Variants in ABCB8 observed in about 807,000 individuals in gnomAD.
ABCB8 encodes the protein mitochondrial potassium channel ATP-binding subunit.
In ABCB8, 52 loss-of-function variants were observed where a neutral mutation model predicts 73.0. The observed-to-expected ratio is 0.71, with a 90% CI of 0.57 to 0.90. The LOEUF (loss-of-function observed/expected upper bound fraction) is 0.90, where lower values mean the gene tolerates loss of function less well. Ranked by LOEUF, ABCB8 falls within the 40% of genes least tolerant of loss-of-function variation. The pLI, the probability that ABCB8 is intolerant of heterozygous loss-of-function variation, is 0.00. For missense variants in ABCB8, 909 were observed against 974.6 expected, an observed-to-expected ratio of 0.93 and a Z score of 0.90; for synonymous variants, 428 against 423.5, an observed-to-expected ratio of 1.01 and a Z score of -0.13.
intron 9 of ABCB8, chr7:151,036,944 A>G: frequency 1.4e-6 from 1 of 706,796 alleles, no homozygotes. Context: ...AACTGTGGTA[A>G]AGTACACAAA....
rs775161864 is a variant in ABCB8, at chr7:151,035,696, T to C, written c.881T>C (p.Leu294Pro). Reference protein sequence around the residue: ...ATPALMGVGTLMGSGLRKLSR... With the variant: ...ATPALMGVGTPMGSGLRKLSR... ...CCAGCCCTGATGGGAGTGGGCACCC[T>C]GATGGGCTCAGGCCTCCGAAAATTG... Residue 294 changes from leucine to proline, a missense_variant, in exon 6 of 16, where the codon CTG becomes CCG. Coordinates refer to ENST00000358849, the MANE Select transcript of ABCB8 (RefSeq NM_007188.5). 3 of 1,613,574 alleles carry C rather than the reference T, an allele frequency of 1.9e-6. No homozygotes were observed. The highest frequency in any genetic ancestry group is 2.5e-6 in the Non-Finnish European group (3 of 1,180,032).
At position 151,047,517 on chromosome 7, in the gene ABCB8, G is replaced by A. The variant is rs549646427; in HGVS notation, c.*2168G>A. The A allele has an allele frequency of 1.3e-5, 2 of 152,378 alleles. No homozygotes were observed. The highest frequency in any genetic ancestry group is 3.9e-4 in the East Asian group (2 of 5,186). 9.4% of individuals were successfully genotyped at this position (152,378 alleles called of 1,614,324 possible). A position where few individuals can be genotyped will look rare whatever the true frequency, so the allele number is the denominator to read the frequency against. On this transcript the variant is annotated 3_prime_UTR_variant, in exon 16 of 16. Coordinates refer to ENST00000358849, the MANE Select transcript of ABCB8 (RefSeq NM_007188.5). The stretch of plus-strand genomic sequence containing the variant: ...GTCATGTGCCATTGAGCCCACGATG[G>A]GGAATGAGGACAGTCCCTGCCCCCA...
Position 151,047,536 on chromosome 7 carries a change from G to C in ABCB8, c.*2187G>C, listed in dbSNP as rs1190605173. 6.6e-6 allele frequency: 1 copy of C among 152,248 alleles called. No individual in the cohort carries two copies. Among genetic ancestry groups the C allele is most frequent in the Admixed American group, 6.5e-5 (1 of 15,284 alleles). The allele number at this position is 152,248 out of a possible 1,614,324, so 9.4% of individuals were successfully genotyped here. A position where few individuals can be genotyped will look rare whatever the true frequency, so the allele number is the denominator to read the frequency against. On this transcript the variant is annotated 3_prime_UTR_variant, in exon 16 of 16. Transcript: ENST00000358849. Reference sequence around the variant, plus strand: ...ACGATGGGGAATGAGGACAGTCCCTGCCCCCATGAAGCTTGTGTCCTGTTG... The same window carrying C: ...ACGATGGGGAATGAGGACAGTCCCTCCCCCCATGAAGCTTGTGTCCTGTTG...
intron 9 of ABCB8, 127 bp downstream of exon 9, chr7:151,036,776 T>C: frequency 1.2e-6 from 1 of 851,960 alleles, no homozygotes; most frequent in Non-Finnish European, 2.0e-6. Context: ...CCTGCCCAGC[T>C]TCCCCAGGGA....
intron 1 of ABCB8, chr7:151,031,502 C>CT (rs914748261): frequency 1.3e-5 from 7 of 556,268 alleles, no homozygotes; most frequent in Non-Finnish European, 8.9e-6. Flanking sequence ...TCACACTACT[C>CT]TTTTTTTAAA....
In ABCB8 at chr7:151,047,613, G is replaced by A. The variant is rs145451109; in HGVS notation, c.*2264G>A. On this transcript the variant is annotated 3_prime_UTR_variant, in exon 16 of 16. Coordinates refer to ENST00000358849, the MANE Select transcript of ABCB8 (RefSeq NM_007188.5). ...TGCAGCATGGTGTGTGCACACGTTTGGCTGGTGGAACCATGTTTCTACCAC... is the reference window on the plus strand; with the variant it reads ...TGCAGCATGGTGTGTGCACACGTTTAGCTGGTGGAACCATGTTTCTACCAC... 4 of 152,342 alleles carry A rather than the reference G, an allele frequency of 2.6e-5. No individual in the cohort carries two copies. The East Asian group carries it at 7.7e-4, about 29-fold the overall frequency. The allele number at this position is 152,342 out of a possible 1,614,324, so 9.4% of individuals were successfully genotyped here.
At position 151,029,303 on chromosome 7, in the gene ABCB8, G is replaced by GA. The variant is rs902475140; in HGVS notation, c.95+707dup. 9.3e-3 allele frequency among the ~76,000 whole-genome samples: 1,111 copies of GA among 119,826 alleles called. 7 individuals carry two copies. The highest frequency in any genetic ancestry group is 0.015 in the Middle Eastern group (3 of 204). 78.6% of individuals were successfully genotyped at this position (119,826 alleles called of 152,430 possible). A position where few individuals can be genotyped will look rare whatever the true frequency, so the allele number is the denominator to read the frequency against. On this transcript the variant is annotated intron_variant, in intron 1 of 15. Coordinates refer to ENST00000358849, the MANE Select transcript of ABCB8 (RefSeq NM_007188.5). ...GGTGATAGAGTGAGACTCTGCCTCA[G>GA]AAAAAAAAAAAAAAGAGTCAATCTA...
intron 13 of ABCB8, among the ~76,000 whole-genome samples, chr7:151,041,586 C>T (rs1286325314): frequency 1.3e-5 from 2 of 152,230 alleles, no homozygotes; most frequent in African/African-American, 4.8e-5. Context: ...TGAGGTGGCA[C>T]TGCCCAGCGA....
chr7:151,034,787 C>A lies in ABCB8; in HGVS notation c.723C>A (p.Asp241Glu). The A allele has an allele frequency of 6.2e-7, 1 of 1,614,092 alleles. No homozygotes were observed. The highest frequency in any genetic ancestry group is 8.5e-7 in the Non-Finnish European group (1 of 1,179,968). Residue 241 changes from aspartate (D) to glutamate (E), a missense_variant, in exon 5 of 16, where the codon GAC (aspartate) becomes GAA (glutamate). Transcript: ENST00000358849. Reference protein sequence around the residue: ...TGQLVSRLTTDVQEFKSSFKL... With the variant: ...TGQLVSRLTTEVQEFKSSFKL... ...AGCTGGTGAGCCGCTTGACAACTGA[C>A]GTGCAGGAGTTTAAGTCATCCTTCA...
chr7:151,040,113 T>C, intron 9 of ABCB8, 155 bp from the exon 10 acceptor site: 1 of 808,624 alleles, frequency 1.2e-6, no homozygotes, highest in South Asian at 1.8e-5. Flanking sequence ...TGTTGCTACG[T>C]CCCAGGGCTC....
intron 9 of ABCB8, chr7:151,039,578 C>T (rs1162278316): frequency 6.6e-6 from 1 of 152,330 alleles, no homozygotes; most frequent in African/African-American, 2.4e-5. Flanking sequence ...AGGAGGCCAC[C>T]CACTGTCTAG....
intron 6 of ABCB8, 56 bp downstream of exon 6, chr7:151,035,798 T>C: frequency 2.5e-6 from 4 of 1,609,588 alleles, no homozygotes; most frequent in Non-Finnish European, 3.4e-6. Context: ...CTCTTTCCAC[T>C]CCCCGGAACT....
intron 9 of ABCB8, chr7:151,037,277 G>A (rs78023969): frequency 2.7e-5 from 19 of 702,896 alleles, no homozygotes; most frequent in African/African-American, 8.7e-5. Flanking sequence ...ATTCCCTTCC[G>A]CTGCAGGCTG....
chr7:151,028,780 T>G, intron 1 of ABCB8, 170 bp downstream of exon 1: 2 of 1,539,884 alleles, frequency 1.3e-6, no homozygotes, highest in Non-Finnish European at 1.7e-6. Flanking sequence ...TTATTTATAG[T>G]GACACTCCAG....
chr7:151,035,495 A>G (rs1584949825), intron 5 of ABCB8, 86 bp from the exon 6 acceptor site: 1 of 1,458,160 alleles, frequency 6.9e-7, no homozygotes, highest in East Asian at 2.3e-5. Flanking sequence ...GTGGGAGTGC[A>G]GAGCTACAGT....
In ABCB8 at chr7:151,037,335, G is replaced by T. The variant is rs183296143; in HGVS notation, c.1217+686G>T. ...CCATCCTTGACAGGCTGTGTGAGCT[G>T]CCCTTCCCCATGCCTGCCACTTCCA... On this transcript the variant is annotated intron_variant, in intron 9 of 15. Transcript: ENST00000358849. 9.3e-4 allele frequency: 654 copies of T among 702,500 alleles called. 3 individuals carry two copies. The African/African-American group carries it at 0.01, about 11-fold the overall frequency. The allele number at this position is 702,500 out of a possible 1,614,324, so 43.5% of individuals were successfully genotyped here.
rs1478551565 is a variant in ABCB8 at position 151,046,890 on chromosome 7, C to T, written c.*1541C>T. 6.6e-6 allele frequency: 1 copy of T among 152,242 alleles called. No homozygotes were observed. The highest frequency in any genetic ancestry group is 6.5e-5 in the Admixed American group (1 of 15,286). The allele number at this position is 152,242 out of a possible 1,614,324, so 9.4% of individuals were successfully genotyped here. A position where few individuals can be genotyped will look rare whatever the true frequency, so the allele number is the denominator to read the frequency against. ...CTTTGGGGACAAGCCATCCAAAAAC[C>T]CCAGGCCCACATCCACCCTGATTTG... On this transcript the variant is annotated 3_prime_UTR_variant, in exon 16 of 16. Transcript: ENST00000358849.
In ABCB8 at chr7:151,045,434, C is replaced by A. The variant is rs930353330; in HGVS notation, c.*85C>A. 1.5e-6 allele frequency: 2 copies of A among 1,362,532 alleles called. No individual in the cohort carries two copies. Among genetic ancestry groups the A allele is most frequent in the Non-Finnish European group, 1.9e-6 (2 of 1,050,848 alleles). 84.4% of individuals were successfully genotyped at this position (1,362,532 alleles called of 1,614,324 possible). On this transcript the variant is annotated 3_prime_UTR_variant, in exon 16 of 16. Coordinates refer to ENST00000358849, the MANE Select transcript of ABCB8 (RefSeq NM_007188.5). ...TGGGGGAGCCTACTGGGGACTGAGC[C>A]CCCAGGAGGGCCAGCATGTGGAGAG...
Position 151,046,373 on chromosome 7 carries a change from G to A in ABCB8, c.*1024G>A, listed in dbSNP as rs1166887341. On this transcript the variant is annotated 3_prime_UTR_variant, in exon 16 of 16. Coordinates refer to ENST00000358849, the MANE Select transcript of ABCB8 (RefSeq NM_007188.5). ...AGGCGCACCTTGAAAGGGGAAGGCAGACATCCTGAGTGATGGGCGCCTGTG... is the reference window on the plus strand; with the variant it reads ...AGGCGCACCTTGAAAGGGGAAGGCAAACATCCTGAGTGATGGGCGCCTGTG... 1 of 152,362 alleles carries A rather than the reference G, an allele frequency of 6.6e-6. No homozygotes were observed. Among genetic ancestry groups the A allele is most frequent in the African/African-American group, 2.4e-5 (1 of 41,482 alleles). 9.4% of individuals were successfully genotyped at this position (152,362 alleles called of 1,614,324 possible).
Sources: allele counts gnomAD v4.1 joint callset (sites outside exome capture counted in the v4.1 genomes callset), GRCh38; gene constraint gnomAD v4.1.1; transcripts MANE v1.5; gene names NCBI Gene and HGNC (gene_info 2026-07-23, HGNC 2026-07-21).